Variants in CNMD observed in about 807,000 individuals in gnomAD.
The protein encoded by CNMD is leukocyte cell-derived chemotaxin 1.
A neutral mutation model predicts 37.5 loss-of-function variants in CNMD; 30 were observed. The observed-to-expected ratio is 0.80, with a 90% confidence interval of 0.60 to 1.09. The LOEUF (loss-of-function observed/expected upper bound fraction) is 1.09, where lower values mean the gene tolerates loss of function less well. CNMD is among the 50% of genes least tolerant of loss of function. The probability of loss-of-function intolerance (pLI) is 0.00; values close to 1 mark genes in which losing one functional copy is unlikely to be tolerated. For synonymous variants in CNMD, 167 were observed against 148.2 expected, an observed-to-expected ratio of 1.13 and a Z score of -0.92; for missense variants, 398 against 423.9, an observed-to-expected ratio of 0.94 and a Z score of 0.54.
At chr13:52,734,338 G>C (rs963412877) in intron 2 of CNMD, among the ~76,000 whole-genome samples, 10 of 152,208 alleles carry the variant, frequency 6.6e-5, no homozygotes, top group Non-Finnish European at 1.5e-4. Flanking sequence ...TCTAACCAGA[G>C]TGGCTCTGCT....
In CNMD at chr13:52,739,055, G is replaced by C. The variant is rs1964830381; in HGVS notation, c.189C>G (p.Tyr63Ter). The C allele has an allele frequency of 6.3e-7, 1 of 1,580,568 alleles. No homozygotes were observed. Among genetic ancestry groups the C allele is most frequent in the Non-Finnish European group, 8.6e-7 (1 of 1,166,610 alleles). ...CGTGACTGTCGCTCCCCTTCCAGAAGTAGAAGGCCCCGATGGCCCCAAAGA... is the reference window on the plus strand; with the variant it reads ...CGTGACTGTCGCTCCCCTTCCAGAACTAGAAGGCCCCGATGGCCCCAAAGA... Reference protein sequence around the residue: ...LLLFGAIGAFYFWKGSDSHIY... With the variant: ...LLLFGAIGAF Residue 63 changes from tyrosine to a stop codon, truncating the protein, a stop_gained, in exon 2 of 7, where the codon TAC becomes TAG. Transcript: ENST00000377962. LOFTEE classifies it high-confidence loss of function. The surrounding 1 kb of genome is among the most constrained non-coding windows in gnomAD (Gnocchi z 5.4).
chr13:52,721,763 A>G (rs1594283837), intron 4 of CNMD, among the ~76,000 whole-genome samples: 2 of 152,226 alleles, frequency 1.3e-5, no homozygotes, highest in Admixed American at 6.5e-5. Flanking sequence ...ACTTTTATGT[A>G]TCTCTCAAAT....
chr13:52,731,938 A>C (rs1964678441), intron 3 of CNMD, among the ~76,000 whole-genome samples: 1 of 152,260 alleles, frequency 6.6e-6, no homozygotes, highest in African/African-American at 2.4e-5. Flanking sequence ...ATCATCTGCA[A>C]AGCTATGACT....
chr13:52,710,744 AT>A (rs1964278299), intron 5 of CNMD, among the ~76,000 whole-genome samples: 2 of 152,186 alleles, frequency 1.3e-5, no homozygotes, highest in Non-Finnish European at 1.5e-5. Context: ...ATCTGGGGGC[AT>A]TGAGGTGTTT....
intron 2 of CNMD, among the ~76,000 whole-genome samples, chr13:52,736,983 C>G (rs540674283): frequency 1.2e-4 from 19 of 152,276 alleles, no homozygotes; most frequent in African/African-American, 4.3e-4. Flanking sequence ...TCCAGTGCTT[C>G]ATAGTCCTCC....
chr13:52,723,773 TACA>T (rs1005467174), intron 4 of CNMD, among the ~76,000 whole-genome samples: 6 of 152,014 alleles, frequency 3.9e-5, no homozygotes, highest in African/African-American at 9.7e-5. Context: ...CTATTAAAAA[TACA>T]ACAAGTTAGT....
intron 3 of CNMD, among the ~76,000 whole-genome samples, chr13:52,732,368 C>T (rs570881746): frequency 2.0e-5 from 3 of 152,236 alleles, no homozygotes; most frequent in East Asian, 3.9e-4. Flanking sequence ...ACAGGAAATT[C>T]GGCCTGAAGT....
At chr13:52,711,170 C>T (rs1471228790) in intron 5 of CNMD, among the ~76,000 whole-genome samples, 1 of 152,206 alleles carries the variant, frequency 6.6e-6, no homozygotes, top group Non-Finnish European at 1.5e-5. Flanking sequence ...TCATGAACGT[C>T]TGTCAAATGA....
At chr13:52,736,610 T>G (rs1167849941) in intron 2 of CNMD, among the ~76,000 whole-genome samples, 1 of 152,202 alleles carries the variant, frequency 6.6e-6, no homozygotes, top group African/African-American at 2.4e-5. Flanking sequence ...CTGCTCTAAG[T>G]CCGTGGAGCT....
At chr13:52,723,903 TAAAAA>T (rs569790030) in intron 4 of CNMD, 89 bp downstream of exon 4, 104 of 808,990 alleles carry the variant, frequency 1.3e-4, no homozygotes, top group Non-Finnish European at 2.0e-4. Flanking sequence ...TCAATAAAAA[TAAAAA>T]TAAAAACAAA....
intron 5 of CNMD, among the ~76,000 whole-genome samples, chr13:52,709,342 T>C (rs1348660809): frequency 6.6e-6 from 1 of 152,168 alleles, no homozygotes; most frequent in Non-Finnish European, 1.5e-5. Flanking sequence ...TCTCTAGACT[T>C]CTGGCTATAT....
intron 4 of CNMD, 50 bp downstream of exon 4, chr13:52,723,947 A>G (rs1357590091): frequency 8.5e-7 from 1 of 1,181,998 alleles, no homozygotes; most frequent in Admixed American, 1.7e-5. Context: ...TTGTGCCTTC[A>G]AACAATGTTT....
chr13:52,708,770 G>T, intron 5 of CNMD, 68 bp from the exon 6 acceptor site: 1 of 1,297,980 alleles, frequency 7.7e-7, no homozygotes, highest in Non-Finnish European at 1.1e-6. Flanking sequence ...GTGTTTATCA[G>T]GGTGAAAAAC....
At chr13:52,735,200 T>C (rs985147481) in intron 2 of CNMD, among the ~76,000 whole-genome samples, 1 of 152,158 alleles carries the variant, frequency 6.6e-6, no homozygotes, top group African/African-American at 2.4e-5. Context: ...AAACCTGTTT[T>C]CTTTGGCTGA....
chr13:52,735,910 A>T (rs576395598), intron 2 of CNMD, among the ~76,000 whole-genome samples: 268 of 148,630 alleles, frequency 1.8e-3, no homozygotes, highest in Middle Eastern at 3.5e-3. Flanking sequence ...ACTCACTGCA[A>T]CCTCCGCCTC....
At position 52,739,112 on chromosome 13, in the gene CNMD, G is replaced by A; in HGVS notation, c.132C>T (p.Ala44=). Residue 44 remains alanine (A), a synonymous_variant, in exon 2 of 7, where the codon GCC becomes GCT. Coordinates refer to ENST00000377962, the MANE Select transcript of CNMD (RefSeq NM_007015.3). The surrounding 1 kb of genome is among the most constrained non-coding windows in gnomAD (Gnocchi z 5.4). ...SSPARLLKVG[A]VVLISGAVLL... The stretch of plus-strand genomic sequence containing the variant: ...GCACAGCTCCCGAAATGAGGACCAC[G>A]GCTCCCACCTTGAGCAGCCGCGCGG... 1 of 1,569,966 alleles carries A rather than the reference G, an allele frequency of 6.4e-7. No homozygotes were observed. The highest frequency in any genetic ancestry group is 8.6e-7 in the Non-Finnish European group (1 of 1,163,128).
Position 52,705,190 on chromosome 13 carries a change from G to T in CNMD, c.790-1380C>A, listed in dbSNP as rs376079681. Among the ~76,000 whole-genome samples, 4 of 152,092 alleles carry T rather than the reference G, an allele frequency of 2.6e-5. No individual in the cohort carries two copies. In the East Asian group the frequency reaches 5.8e-4, roughly 22 times the overall value. ...TTTTCCCCTTCCTGCAACAGCAAAA[G>T]ATAGGGAAATAATTTATATGTCCAT... On this transcript the variant is annotated intron_variant, in intron 6 of 6. Coordinates refer to ENST00000377962, the MANE Select transcript of CNMD (RefSeq NM_007015.3).
chr13:52,724,449 G>A (rs1964538625), intron 3 of CNMD, among the ~76,000 whole-genome samples: 1 of 145,306 alleles, frequency 6.9e-6, no homozygotes, highest in South Asian at 2.2e-4. Context: ...AAATTAGCCA[G>A]GCGTGGTGGC....
At chr13:52,714,514 TTAAA>T (rs1964337655) in intron 4 of CNMD, among the ~76,000 whole-genome samples, 1 of 152,138 alleles carries the variant, frequency 6.6e-6, no homozygotes, top group Non-Finnish European at 1.5e-5. Context: ...AGACAAAGAT[TTAAA>T]TATAAAAGCA....
Sources: allele counts gnomAD v4.1 joint callset (sites outside exome capture counted in the v4.1 genomes callset), GRCh38; gene constraint gnomAD v4.1.1; non-coding constraint Gnocchi (gnomAD v3.1); transcripts MANE v1.5; gene names NCBI Gene and HGNC (gene_info 2026-07-23, HGNC 2026-07-21).